SGMS1: variants seen among roughly 807,000 people sequenced by gnomAD.
SGMS1 encodes phosphatidylcholine:ceramide cholinephosphotransferase 1.
SGMS1 carries 13 observed loss-of-function variants against 46.2 expected under a neutral mutation model. The ratio of observed to expected loss-of-function variants is 0.28; its 90% CI spans 0.18 to 0.45. The LOEUF (loss-of-function observed/expected upper bound fraction) is 0.45, where lower values mean the gene tolerates loss of function less well. Among genes scored for constraint, SGMS1 ranks in the 20% least tolerant of loss-of-function variants. The probability of loss-of-function intolerance (pLI) is 1.00; values close to 1 mark genes in which losing one functional copy is unlikely to be tolerated. For synonymous variants in SGMS1, 203 were observed against 187.8 expected, an observed-to-expected ratio of 1.08 and a Z score of -0.66; for missense variants, 324 against 519.9, an observed-to-expected ratio of 0.62 and a Z score of 3.66.
intron 5 of SGMS1, among the ~76,000 whole-genome samples, chr10:50,435,756 A>G (rs1849466596): frequency 1.3e-5 from 2 of 152,182 alleles, no homozygotes; most frequent in Admixed American, 1.3e-4. Context: ...TGTTAAAAAC[A>G]AACAAACAAA....
chr10:50,508,333 A>T (rs774777315), intron 3 of SGMS1, among the ~76,000 whole-genome samples: 1 of 152,178 alleles, frequency 6.6e-6, no homozygotes, highest in African/African-American at 2.4e-5. Context: ...AGTAGGCCAC[A>T]TGGGCTGTAG....
At chr10:50,445,291 G>A (rs1405822962) in intron 5 of SGMS1, among the ~76,000 whole-genome samples, 1 of 152,144 alleles carries the variant, frequency 6.6e-6, no homozygotes, top group Non-Finnish European at 1.5e-5. Flanking sequence ...TTAGAAAAAT[G>A]TTTGACAATT....
rs1837340681 is a variant in SGMS1, at chr10:50,467,439, AC to A, written c.-497-508del. Among the ~76,000 whole-genome samples, 11 of 152,290 alleles carry A rather than the reference AC, an allele frequency of 7.2e-5. No homozygotes were observed. In the South Asian group the frequency reaches 2.3e-3, roughly 32 times the overall value. ...AACAGCTTATAAATAACTCTAACCC[AC>A]ATCACCCTAAAGGCTTAAAAATGCT... is the stretch of plus-strand genomic sequence containing the variant. On this transcript the variant is annotated intron_variant, in intron 3 of 10. Transcript: ENST00000361781.
At chr10:50,540,582 A>T (rs1439244692) in intron 2 of SGMS1, among the ~76,000 whole-genome samples, 3 of 152,310 alleles carry the variant, frequency 2.0e-5, no homozygotes, top group East Asian at 1.9e-4. Flanking sequence ...TTTAAGGGGG[A>T]ACTAAAGAAA....
At chr10:50,395,447 A>G (rs1848836028) in intron 6 of SGMS1, among the ~76,000 whole-genome samples, 1 of 152,282 alleles carries the variant, frequency 6.6e-6, no homozygotes, top group Non-Finnish European at 1.5e-5. Flanking sequence ...AGTATTAGCC[A>G]ACCTAAGCTT....
chr10:50,511,355 G>A (rs2133773462), intron 3 of SGMS1, among the ~76,000 whole-genome samples: 1 of 152,124 alleles, frequency 6.6e-6, no homozygotes, highest in African/African-American at 2.4e-5. Context: ...GGTTAAGACA[G>A]TGAGGAAGGT....
At chr10:50,560,042 T>TTA (rs1282098825) in intron 2 of SGMS1, among the ~76,000 whole-genome samples, 2 of 141,458 alleles carry the variant, frequency 1.4e-5, no homozygotes, top group Non-Finnish European at 3.1e-5. Flanking sequence ...ACACACAGAT[T>TTA]TATATATATA....
intron 5 of SGMS1, among the ~76,000 whole-genome samples, chr10:50,449,307 G>T (rs1837070011): frequency 6.6e-6 from 1 of 152,136 alleles, no homozygotes; most frequent in South Asian, 2.1e-4. Context: ...AACACATTCT[G>T]CTAGGAATTG....
intron 6 of SGMS1, among the ~76,000 whole-genome samples, chr10:50,385,741 C>T (rs772962453): frequency 6.2e-4 from 95 of 152,086 alleles, no homozygotes; most frequent in Non-Finnish European, 5.1e-4. Context: ...GAACCTTGGC[C>T]GTGTGACAGC....
intron 9 of SGMS1, among the ~76,000 whole-genome samples, chr10:50,310,901 A>G (rs796768165): frequency 2.0e-4 from 31 of 152,286 alleles, no homozygotes; most frequent in African/African-American, 6.3e-4. Context: ...ATCAACACAT[A>G]ATCTACCATC....
At chr10:50,621,727 T>G (rs1277298320) in intron 1 of SGMS1, among the ~76,000 whole-genome samples, 1 of 152,194 alleles carries the variant, frequency 6.6e-6, no homozygotes, top group East Asian at 1.9e-4. Flanking sequence ...CACTGAAGAG[T>G]TGCAGAAATG....
At chr10:50,592,167 G>A (rs1838548025) in intron 1 of SGMS1, among the ~76,000 whole-genome samples, 2 of 152,152 alleles carry the variant, frequency 1.3e-5, no homozygotes, top group Non-Finnish European at 1.5e-5. Flanking sequence ...TCACTAAGAA[G>A]TTATGCCAAG....
At chr10:50,549,431 TA>T (rs1838130011) in intron 2 of SGMS1, among the ~76,000 whole-genome samples, 1 of 152,064 alleles carries the variant, frequency 6.6e-6, no homozygotes, top group African/African-American at 2.4e-5. Context: ...CTCAGCAAAC[TA>T]ACACAGGAAT....
At chr10:50,583,534 C>T (rs962772434) in intron 2 of SGMS1, among the ~76,000 whole-genome samples, 1 of 152,186 alleles carries the variant, frequency 6.6e-6, no homozygotes, top group African/African-American at 2.4e-5. Flanking sequence ...GCATGAGGCA[C>T]ATGACTCATC....
At chr10:50,621,953 CA>C (rs1021763270) in intron 1 of SGMS1, among the ~76,000 whole-genome samples, 9 of 152,172 alleles carry the variant, frequency 5.9e-5, no homozygotes. Context: ...TTAAGAGGCG[CA>C]GTAAGGAAAC....
intron 8 of SGMS1, among the ~76,000 whole-genome samples, chr10:50,316,589 C>T (rs530582677): frequency 5.4e-4 from 82 of 152,202 alleles, no homozygotes; most frequent in Admixed American, 1.6e-3. Context: ...CTACCATGAA[C>T]AGCCAGACAT....
Position 50,344,509 on chromosome 10 carries a change from TC to T in SGMS1, c.-231-165del, listed in dbSNP as rs138975008. 2.7e-3 allele frequency among the ~76,000 whole-genome samples: 412 copies of T among 152,320 alleles called. 3 individuals carry two copies. Among genetic ancestry groups the T allele is most frequent in the African/African-American group, 7.0e-3 (293 of 41,576 alleles). ...GGACTACTGATTTCCTGGTTATTAG[TC>T]TTTTGCGACACACATTGAATTGGAT... is the stretch of plus-strand genomic sequence containing the variant. On this transcript the variant is annotated intron_variant, in intron 6 of 10. Transcript: ENST00000361781.
intron 1 of SGMS1, among the ~76,000 whole-genome samples, chr10:50,598,861 A>G (rs140573243): frequency 6.6e-6 from 1 of 152,320 alleles, no homozygotes; most frequent in East Asian, 1.9e-4. Context: ...TTCAAAAGCT[A>G]TTGAGTCTAG....
chr10:50,624,500 A>G (rs1838895967), upstream of SGMS1: 1 of 772,462 alleles, frequency 1.3e-6, no homozygotes, highest in Non-Finnish European at 1.6e-6. Context: ...AACAGAAAAA[A>G]AAAGCCTCTG....
Sources: gnomAD v4.1 joint callset for allele counts (sites outside exome capture counted in the v4.1 genomes callset) on GRCh38, gnomAD v4.1.1 for gene constraint, MANE v1.5 for transcripts, NCBI Gene and HGNC (gene_info 2026-07-23, HGNC 2026-07-21) for gene names.